The following TENM2 variants were observed in gnomAD, a reference collection of about 807,000 sequenced individuals.
The protein encoded by TENM2 is teneurin transmembrane protein 2, also known as teneurin-2.
TENM2 carries 52 observed loss-of-function variants against 245.2 expected under a neutral mutation model. That is an observed-to-expected ratio of 0.21 (90% confidence interval 0.17 to 0.27). The LOEUF (loss-of-function observed/expected upper bound fraction) is 0.27, where lower values mean the gene tolerates loss of function less well. TENM2 is among the 10% of genes least tolerant of loss of function. TENM2 has a pLI of 1.00. For missense variants in TENM2, 3,046 were observed against 3,666.8 expected, an observed-to-expected ratio of 0.83 and a Z score of 4.37; for synonymous variants, 1,363 against 1,438.9, an observed-to-expected ratio of 0.95 and a Z score of 1.19.
the TENM2 span, among the ~76,000 whole-genome samples, chr5:167,182,082 C>T: frequency 6.6e-6 from 1 of 152,122 alleles, no homozygotes; most frequent in Non-Finnish European, 1.5e-5. Context: ...ATACAGTTGT[C>T]ATTTGTTTTC....
At chr5:167,602,762 T>C (rs1406641098) in intron 2 of TENM2, among the ~76,000 whole-genome samples, 1 of 152,200 alleles carries the variant, frequency 6.6e-6, no homozygotes, top group Non-Finnish European at 1.5e-5. Context: ...GTGGAACTTA[T>C]ATTTTGTCAG....
At chr5:167,093,160 A>AGTT in the TENM2 span, among the ~76,000 whole-genome samples, 1,027 of 152,168 alleles carry the variant, frequency 6.7e-3, 9 homozygotes, top group African/African-American at 0.023. Context: ...GAAAAAAAAA[A>AGTT]GTTGTGACAA....
the TENM2 span, among the ~76,000 whole-genome samples, chr5:166,993,357 G>T: frequency 6.6e-6 from 1 of 152,158 alleles, no homozygotes; most frequent in East Asian, 1.9e-4. Context: ...CAGATTCTCA[G>T]AAGGATAAAT....
At chr5:167,181,127 T>C in the TENM2 span, among the ~76,000 whole-genome samples, 9 of 152,070 alleles carry the variant, frequency 5.9e-5, no homozygotes, top group South Asian at 1.7e-3. Flanking sequence ...AACCATGGTA[T>C]ATACTTGCGC....
At chr5:167,405,006 T>G (rs2127392667) in intron 2 of TENM2, among the ~76,000 whole-genome samples, 1 of 152,276 alleles carries the variant, frequency 6.6e-6, no homozygotes, top group East Asian at 1.9e-4. Flanking sequence ...TTTGCCTATT[T>G]TAGACATTTC....
chr5:167,091,311 T>A, the TENM2 span, among the ~76,000 whole-genome samples: 1 of 152,208 alleles, frequency 6.6e-6, no homozygotes, highest in Admixed American at 6.5e-5. Context: ...TGGATAACTG[T>A]CATTGAAAAT....
chr5:167,506,498 GTATCT>G, intron 2 of TENM2, among the ~76,000 whole-genome samples: 1 of 152,166 alleles, frequency 6.6e-6, no homozygotes, highest in South Asian at 2.1e-4. Flanking sequence ...AAATAATTTG[GTATCT>G]TATCTTGCTG....
chr5:168,175,284 C>T (rs78889305), intron 13 of TENM2, among the ~76,000 whole-genome samples: 4,769 of 152,264 alleles, frequency 0.031, 95 homozygotes, highest in Middle Eastern at 0.085. Context: ...TTCAGAGATT[C>T]TAAAAACATA....
chr5:167,663,189 A>AG (rs1755353539), intron 2 of TENM2, among the ~76,000 whole-genome samples: 1 of 106,440 alleles, frequency 9.4e-6, no homozygotes, highest in African/African-American at 4.0e-5. Context: ...AGAGAGAGAA[A>AG]GAGAGAGAAT....
chr5:167,737,332 C>A (rs955637154), intron 2 of TENM2, among the ~76,000 whole-genome samples: 1 of 152,160 alleles, frequency 6.6e-6, no homozygotes, highest in African/African-American at 2.4e-5. Flanking sequence ...TCAGAACATG[C>A]CTGTCACAGA....
chr5:168,171,223 C>G (rs986133658), intron 13 of TENM2, among the ~76,000 whole-genome samples: 4 of 152,228 alleles, frequency 2.6e-5, no homozygotes, highest in African/African-American at 4.8e-5. Flanking sequence ...TAAATTTTCT[C>G]ACGCTGTTAT....
intron 2 of TENM2, among the ~76,000 whole-genome samples, chr5:167,434,078 T>G (rs1272497390): frequency 1.3e-5 from 2 of 152,168 alleles, no homozygotes; most frequent in African/African-American, 4.8e-5. Flanking sequence ...CTACTACATC[T>G]TAATATAACT....
At chr5:167,402,532 A>T (rs751701095) in intron 2 of TENM2, among the ~76,000 whole-genome samples, 1 of 152,138 alleles carries the variant, frequency 6.6e-6, no homozygotes, top group Non-Finnish European at 1.5e-5. Flanking sequence ...CAAGAGTTAG[A>T]AGGAAATGAC....
chr5:166,986,624 G>A, the TENM2 span, among the ~76,000 whole-genome samples: 1 of 152,100 alleles, frequency 6.6e-6, no homozygotes, highest in Non-Finnish European at 1.5e-5. Context: ...GAACTTCAGG[G>A]GGAAAACAAA....
At chr5:168,086,214 G>T (rs1237497142) in intron 7 of TENM2, among the ~76,000 whole-genome samples, 1 of 152,112 alleles carries the variant, frequency 6.6e-6, no homozygotes, top group African/African-American at 2.4e-5. Flanking sequence ...AACAGCCCCC[G>T]CTCCACGGTC....
intron 2 of TENM2, among the ~76,000 whole-genome samples, chr5:167,379,110 G>T (rs1209094606): frequency 6.6e-6 from 1 of 152,086 alleles, no homozygotes; most frequent in Non-Finnish European, 1.5e-5. Flanking sequence ...TTGTAATTGG[G>T]AAATTTACAA....
intron 8 of TENM2, among the ~76,000 whole-genome samples, chr5:168,093,769 G>A (rs997456334): frequency 1.3e-5 from 2 of 152,124 alleles, no homozygotes; most frequent in Non-Finnish European, 2.9e-5. Flanking sequence ...AAACAAAAAG[G>A]AAAACTGATA....
At chr5:167,189,107 A>G in the TENM2 span, among the ~76,000 whole-genome samples, 2 of 152,168 alleles carry the variant, frequency 1.3e-5, no homozygotes, top group Non-Finnish European at 2.9e-5. Context: ...GAAAATGACC[A>G]CAGAAATAAA....
intron 2 of TENM2, among the ~76,000 whole-genome samples, chr5:167,639,205 CA>C (rs1358570365): frequency 5.3e-5 from 8 of 152,144 alleles, no homozygotes; most frequent in Non-Finnish European, 8.8e-5. Context: ...CTTAAAGTAT[CA>C]ATGGTGAAGA....
Sources: allele counts gnomAD v4.1 joint callset (sites outside exome capture counted in the v4.1 genomes callset), GRCh38; gene constraint gnomAD v4.1.1; transcripts MANE v1.5; gene names NCBI Gene and HGNC (gene_info 2026-07-23, HGNC 2026-07-21).